ASB17: variants seen among roughly 807,000 people sequenced by gnomAD.
ASB17 encodes ankyrin repeat and SOCS box protein 17.
In ASB17, 26 loss-of-function variants were observed where a neutral mutation model predicts 25.7. That is an observed-to-expected ratio of 1.01 (90% CI 0.74 to 1.40). The LOEUF (loss-of-function observed/expected upper bound fraction) is 1.40, where lower values mean the gene tolerates loss of function less well. ASB17 is among the 40% of genes most tolerant of loss of function. ASB17 has a pLI of 0.00. For synonymous variants in ASB17, 128 were observed against 121.4 expected, an observed-to-expected ratio of 1.05 and a Z score of -0.36; for missense variants, 326 against 338.5, an observed-to-expected ratio of 0.96 and a Z score of 0.29.
At chr1:75,921,521 T>C (rs1175581405) in intron 2 of ASB17, among the ~76,000 whole-genome samples, 1 of 152,240 alleles carries the variant, frequency 6.6e-6, no homozygotes, top group African/African-American at 2.4e-5. Flanking sequence ...GTACCCTGTA[T>C]GCTGTTAATT....
At position 75,922,266 on chromosome 1, in the gene ASB17, T is replaced by C; in HGVS notation, c.495A>G (p.Ile165Met). The C allele has an allele frequency of 6.2e-7, 1 of 1,613,282 alleles. No homozygotes were observed. The highest frequency in any genetic ancestry group is 8.5e-7 in the Non-Finnish European group (1 of 1,179,440). ...AQTRQSNIFK[I>M]LLQYGILERE... ...TTTCTAAGATTCCATATTGCAGTAG[T>C]ATTTTGAAGATATTAGACTGTCTTG... Residue 165 changes from isoleucine to methionine, a missense_variant, in exon 2 of 3, where the codon ATA (isoleucine) becomes ATG (methionine). Transcript: ENST00000284142.
intron 1 of ASB17, among the ~76,000 whole-genome samples, chr1:75,927,685 A>G (rs1370579256): frequency 6.6e-6 from 1 of 151,312 alleles, no homozygotes; most frequent in African/African-American, 2.4e-5. Flanking sequence ...TTTCCCCCCA[A>G]CTCTTCCCAC....
chr1:75,929,179 A>T (rs1325691564), intron 1 of ASB17, among the ~76,000 whole-genome samples: 1 of 152,114 alleles, frequency 6.6e-6, no homozygotes, highest in Non-Finnish European at 1.5e-5. Context: ...AGAAATACAG[A>T]GGGACCTTTC....
chr1:75,925,136 A>G (rs1653136325), intron 1 of ASB17, among the ~76,000 whole-genome samples: 1 of 152,096 alleles, frequency 6.6e-6, no homozygotes, highest in Non-Finnish European at 1.5e-5. Flanking sequence ...ATATTTGTTA[A>G]TTGAACTTTT....
chr1:75,931,017 C>G (rs117628392), intron 1 of ASB17, among the ~76,000 whole-genome samples: 1 of 152,180 alleles, frequency 6.6e-6, no homozygotes, highest in Non-Finnish European at 1.5e-5. Flanking sequence ...TTCTCCGATA[C>G]CATAGGATGC....
intron 1 of ASB17, among the ~76,000 whole-genome samples, chr1:75,930,835 G>T (rs1653304999): frequency 6.6e-6 from 1 of 152,012 alleles, no homozygotes; most frequent in Non-Finnish European, 1.5e-5. Flanking sequence ...GCACTATTTA[G>T]CCCAGCTAGT....
chr1:75,927,973 T>C (rs1299703673), intron 1 of ASB17, among the ~76,000 whole-genome samples: 1 of 152,210 alleles, frequency 6.6e-6, no homozygotes, highest in Admixed American at 6.5e-5. Flanking sequence ...CTGCTTGTAG[T>C]CATTGGATAC....
intron 1 of ASB17, among the ~76,000 whole-genome samples, chr1:75,927,069 A>G (rs1653192219): frequency 2.0e-5 from 3 of 152,104 alleles, no homozygotes; most frequent in Admixed American, 2.0e-4. Context: ...ATAAGATATG[A>G]TGATATTACA....
intron 2 of ASB17, among the ~76,000 whole-genome samples, chr1:75,920,623 C>T (rs1364812303): frequency 6.6e-6 from 1 of 152,166 alleles, no homozygotes; most frequent in East Asian, 1.9e-4. Context: ...GTTCTTTAAG[C>T]AGTTTTAATG....
At chr1:75,922,014 C>T in intron 2 of ASB17, 66 bp downstream of exon 2, 1 of 1,329,972 alleles carries the variant, frequency 7.5e-7, no homozygotes, top group Non-Finnish European at 1.0e-6. Context: ...TGTATTCTTT[C>T]CTTTACAGTT....
intron 1 of ASB17, among the ~76,000 whole-genome samples, chr1:75,929,030 G>A (rs1005307597): frequency 1.3e-5 from 2 of 152,040 alleles, no homozygotes; most frequent in African/African-American, 2.4e-5. Flanking sequence ...AGGTCCAATT[G>A]AATAAATTTT....
intron 1 of ASB17, among the ~76,000 whole-genome samples, chr1:75,927,617 T>A (rs1260737289): frequency 6.6e-6 from 1 of 152,160 alleles, no homozygotes; most frequent in East Asian, 1.9e-4. Context: ...ATGCATGCTA[T>A]GCAAATTCAG....
At chr1:75,924,480 G>GT (rs1327630892) in intron 1 of ASB17, among the ~76,000 whole-genome samples, 1 of 119,332 alleles carries the variant, frequency 8.4e-6, no homozygotes, top group African/African-American at 2.7e-5. Context: ...TCAAGATGTA[G>GT]TTTTTTGTCA....
At chr1:75,929,199 TTTTATTTTTTTTTATTTATTTA>T (rs1328809227) in intron 1 of ASB17, among the ~76,000 whole-genome samples, 1 of 151,140 alleles carries the variant, frequency 6.6e-6, no homozygotes, top group Non-Finnish European at 1.5e-5. Flanking sequence ...CATGTAGGGT[TTTTATTTTTTTTTATTTATTTA>T]TTTATTTTTT....
intron 1 of ASB17, among the ~76,000 whole-genome samples, chr1:75,929,981 G>A (rs561370208): frequency 6.6e-6 from 1 of 151,722 alleles, no homozygotes; most frequent in South Asian, 2.1e-4. Flanking sequence ...GAGGGGGGGT[G>A]AGTTAGATCA....
intron 1 of ASB17, among the ~76,000 whole-genome samples, chr1:75,924,739 A>G (rs1046227308): frequency 5.3e-5 from 8 of 152,074 alleles, no homozygotes; most frequent in Non-Finnish European, 1.5e-5. Context: ...ATTGGTATGC[A>G]GTTTCCCAAA....
At chr1:75,920,043 G>A (rs1413743473) in intron 2 of ASB17, among the ~76,000 whole-genome samples, 3 of 152,080 alleles carry the variant, frequency 2.0e-5, no homozygotes, top group Non-Finnish European at 2.9e-5. Context: ...AATTATCTGG[G>A]AGACTGTAAA....
intron 1 of ASB17, among the ~76,000 whole-genome samples, chr1:75,924,103 T>C (rs894599855): frequency 6.6e-6 from 1 of 152,044 alleles, no homozygotes; most frequent in African/African-American, 2.4e-5. Context: ...ATCCAGAAAC[T>C]ACGATTTGAA....
Position 75,932,304 on chromosome 1 carries a change from C to T in ASB17, c.-13G>A. 2 of 1,580,178 alleles carry T rather than the reference C, an allele frequency of 1.3e-6. No homozygotes were observed. Among genetic ancestry groups the T allele is most frequent in the Non-Finnish European group, 1.7e-6 (2 of 1,162,816 alleles). ...TAGATTTACTCATTGTTACTTATAGCAGCACTGTAGAAATAAAATCAGAGG... is the reference window on the plus strand; with the variant it reads ...TAGATTTACTCATTGTTACTTATAGTAGCACTGTAGAAATAAAATCAGAGG... On this transcript the variant is annotated 5_prime_UTR_variant, in exon 1 of 3. Transcript: ENST00000284142.
Sources: gnomAD v4.1 joint callset for allele counts (sites outside exome capture counted in the v4.1 genomes callset) on GRCh38, gnomAD v4.1.1 for gene constraint, MANE v1.5 for transcripts, NCBI Gene and HGNC (gene_info 2026-07-23, HGNC 2026-07-21) for gene names.